Variants in DROSHA observed in about 807,000 individuals in gnomAD.
DROSHA encodes ribonuclease 3.
Under a neutral mutation model 181.9 loss-of-function variants are expected in DROSHA, and 56 were observed. The ratio of observed to expected loss-of-function variants is 0.31; its 90% CI spans 0.25 to 0.38. The LOEUF is 0.38. Ranked by LOEUF, DROSHA falls within the 10% of genes least tolerant of loss-of-function variation. The probability of loss-of-function intolerance (pLI) is 1.00; values close to 1 mark genes in which losing one functional copy is unlikely to be tolerated. For missense variants in DROSHA, 1,218 were observed against 1,743.5 expected (o/e 0.70, Z 5.37); for synonymous variants, 524 against 591.2 (o/e 0.89, Z 1.65).
intron 27 of DROSHA, among the ~76,000 whole-genome samples, chr5:31,425,244 T>C (rs1481028042): frequency 2.6e-5 from 4 of 152,086 alleles, no homozygotes; most frequent in Non-Finnish European, 5.9e-5. Flanking sequence ...TATAGGAAAA[T>C]TTAGTACCAC....
chr5:31,415,097 G>T (rs561968), intron 30 of DROSHA, among the ~76,000 whole-genome samples: 11,273 of 152,096 alleles, frequency 0.074, 1,359 homozygotes, highest in African/African-American at 0.26. Context: ...ACTTTCATAA[G>T]AAAAAGATTT....
At chr5:31,441,288 G>A (rs1156648261) in intron 23 of DROSHA, among the ~76,000 whole-genome samples, 1 of 152,086 alleles carries the variant, frequency 6.6e-6, no homozygotes, top group Non-Finnish European at 1.5e-5. Context: ...GCACGTGCCT[G>A]TAGTCTCAGC....
chr5:31,407,181 T>C (rs1740748170), intron 33 of DROSHA: 1 of 296,858 alleles, frequency 3.4e-6, no homozygotes, highest in African/African-American at 2.2e-5. Flanking sequence ...TTAATATTTC[T>C]TCCCAAAGTA....
chr5:31,496,215 T>C (rs938662835), intron 11 of DROSHA, among the ~76,000 whole-genome samples: 35 of 151,974 alleles, frequency 2.3e-4, no homozygotes, highest in East Asian at 7.7e-4. Flanking sequence ...GGTGGGAGGA[T>C]TGCTTAAGCC....
intron 23 of DROSHA, among the ~76,000 whole-genome samples, chr5:31,445,413 A>G (rs987437734): frequency 1.3e-5 from 2 of 152,220 alleles, no homozygotes; most frequent in East Asian, 1.9e-4. Flanking sequence ...AGGAAATTCA[A>G]TAAGAAAAGC....
intron 13 of DROSHA, among the ~76,000 whole-genome samples, chr5:31,489,499 C>T (rs930275443): frequency 6.6e-6 from 1 of 152,114 alleles, no homozygotes; most frequent in African/African-American, 2.4e-5. Context: ...CTCTAAGTGT[C>T]AAGAAGAGCT....
intron 27 of DROSHA, among the ~76,000 whole-genome samples, chr5:31,425,681 G>A (rs615344): frequency 6.6e-6 from 1 of 151,746 alleles, no homozygotes; most frequent in African/African-American, 2.4e-5. Context: ...ACTCTAAATA[G>A]CACATGGGCA....
rs779032953 is a variant in DROSHA, at chr5:31,515,216, G to T, written c.1062C>A (p.Arg354=). The part of the protein sequence containing the change: ...WAPPLEIVNH[R]SPSREKKRAR... ...CTCTCTTCTTCTCCCTACTTGGGGA[G>T]CGACTTCAAAAGAGGGCAAAGGAGG... Residue 354 remains arginine, a synonymous_variant, in exon 8 of 36, where the codon CGC becomes CGA. Transcript: ENST00000344624. The T allele has an allele frequency of 1.9e-6, 3 of 1,608,852 alleles. No homozygotes were observed.
At chr5:31,412,113 A>T (rs1340725716) in intron 30 of DROSHA, among the ~76,000 whole-genome samples, 1 of 152,244 alleles carries the variant, frequency 6.6e-6, no homozygotes, top group Non-Finnish European at 1.5e-5. Flanking sequence ...AAGTGTCCAT[A>T]AAACAAGTAT....
intron 20 of DROSHA, among the ~76,000 whole-genome samples, chr5:31,460,601 G>A (rs939715055): frequency 6.6e-6 from 1 of 152,090 alleles, no homozygotes; most frequent in African/African-American, 2.4e-5. Flanking sequence ...AAACACAGAG[G>A]AAAAACTACC....
At chr5:31,499,883 G>A (rs780145329) in intron 11 of DROSHA, among the ~76,000 whole-genome samples, 1 of 152,192 alleles carries the variant, frequency 6.6e-6, no homozygotes, top group African/African-American at 2.4e-5. Flanking sequence ...GAAACCAGAT[G>A]TGAAAGCCAG....
chr5:31,473,959 A>G (rs1414608183), intron 16 of DROSHA, among the ~76,000 whole-genome samples: 1 of 152,204 alleles, frequency 6.6e-6, no homozygotes, highest in East Asian at 1.9e-4. Context: ...GTTTTTCACC[A>G]TATGTGCCAT....
Position 31,470,096 on chromosome 5 carries a change from A to G in DROSHA, c.2241+1967T>C, listed in dbSNP as rs1749561580. On this transcript the variant is annotated intron_variant, in intron 17 of 35. Coordinates refer to ENST00000344624, the MANE Select transcript of DROSHA (RefSeq NM_001382508.1). This position sits in a 1 kb window ranked among gnomAD's most constrained non-coding sequence, Gnocchi z 4.0. ...CCTCCTTTAAGCATATCTTCAGATA[A>G]ACAGTATAAAAGAATTAACTTCAAC... 6.6e-6 allele frequency among the ~76,000 whole-genome samples: 1 copy of G among 152,212 alleles called. No homozygotes were observed. Among genetic ancestry groups the G allele is most frequent in the South Asian group, 2.1e-4 (1 of 4,832 alleles).
intron 22 of DROSHA, among the ~76,000 whole-genome samples, chr5:31,448,904 G>A (rs1406413669): frequency 6.6e-6 from 1 of 152,142 alleles, no homozygotes; most frequent in Non-Finnish European, 1.5e-5. Context: ...AGGCAGAGGC[G>A]GATAGATCAC....
chr5:31,422,589 A>C (rs532600), intron 29 of DROSHA, among the ~76,000 whole-genome samples, 198 bp downstream of exon 29: 4,134 of 152,336 alleles, frequency 0.027, 175 homozygotes, highest in African/African-American at 0.093. Context: ...ACCAAGATGC[A>C]TGACAATGGA....
intron 11 of DROSHA, among the ~76,000 whole-genome samples, chr5:31,503,466 T>A (rs1737538311): frequency 1.3e-5 from 2 of 151,966 alleles, no homozygotes; most frequent in Non-Finnish European, 2.9e-5. Flanking sequence ...AAATGTGCAC[T>A]GTGTAGTCAG....
chr5:31,405,197 T>C (rs1232522643), intron 35 of DROSHA, among the ~76,000 whole-genome samples: 1 of 151,900 alleles, frequency 6.6e-6, no homozygotes, highest in African/African-American at 2.4e-5. Context: ...TGAAACCCCA[T>C]CTCTACTAAA....
At chr5:31,446,186 C>T (rs1033778326) in intron 23 of DROSHA, among the ~76,000 whole-genome samples, 2 of 152,124 alleles carry the variant, frequency 1.3e-5, no homozygotes, top group African/African-American at 2.4e-5. Context: ...GTGGCTCACG[C>T]CTGTAATCCC....
At chr5:31,468,219 CT>C (rs1193228164) in intron 17 of DROSHA, among the ~76,000 whole-genome samples, 156 bp from the exon 18 acceptor site, 1 of 152,224 alleles carries the variant, frequency 6.6e-6, no homozygotes, top group Non-Finnish European at 1.5e-5. Context: ...AGCAGCTATA[CT>C]ATCTAAAAAC....
Sources: gnomAD v4.1 joint callset for allele counts (sites outside exome capture counted in the v4.1 genomes callset) on GRCh38, gnomAD v4.1.1 for gene constraint, Gnocchi (gnomAD v3.1) non-coding constraint, MANE v1.5 for transcripts, NCBI Gene and HGNC (gene_info 2026-07-23, HGNC 2026-07-21) for gene names.